RFTN1: variants seen among roughly 807,000 people sequenced by gnomAD.
RFTN1 encodes raftlin.
A neutral mutation model predicts 46.5 loss-of-function variants in RFTN1; 26 were observed. The ratio of observed to expected loss-of-function variants is 0.56; its 90% CI spans 0.41 to 0.78. The LOEUF (loss-of-function observed/expected upper bound fraction) is 0.78. RFTN1 is among the 30% of genes least tolerant of loss of function. The pLI, the probability that RFTN1 is intolerant of heterozygous loss-of-function variation, is 0.00. For missense variants in RFTN1, 693 were observed against 718.7 expected, an observed-to-expected ratio of 0.96 and a Z score of 0.41; for synonymous variants, 261 against 284.2, an observed-to-expected ratio of 0.92 and a Z score of 0.82.
chr3:16,436,348 GAA>G (rs34339739), intron 2 of RFTN1, among the ~76,000 whole-genome samples: 1 of 134,166 alleles, frequency 7.5e-6, no homozygotes, highest in Non-Finnish European at 1.6e-5. Context: ...GTTTTGCCAT[GAA>G]AAAAAAAATT....
rs1288106555 is a variant in RFTN1 at position 16,470,323 on chromosome 3, C to T, written c.145+23402G>A. ...GCACTGGAGAGGAAGCCAAGGCAGG[C>T]AGATACTGGAGGGCATCAACACTTG... On this transcript the variant is annotated intron_variant, in intron 2 of 9. Transcript: ENST00000334133. 5.3e-5 allele frequency among the ~76,000 whole-genome samples: 8 copies of T among 152,284 alleles called. No individual in the cohort carries two copies. In the East Asian group the frequency reaches 1.3e-3, roughly 26 times the overall value.
rs1237388145 is a variant in RFTN1 at position 16,382,979 on chromosome 3, A to G, written c.442-4877T>C. On this transcript the variant is annotated intron_variant, in intron 4 of 9. Coordinates refer to ENST00000334133, the MANE Select transcript of RFTN1 (RefSeq NM_015150.2). This position sits in a 1 kb window ranked among gnomAD's most constrained non-coding sequence, Gnocchi z 4.7. ...ACGCATGCCCACAACATCTCTAACA[A>G]CAGCGATTACAGGAAACAGCAACTA... Among the ~76,000 whole-genome samples, 1 of 152,146 alleles carries G rather than the reference A, an allele frequency of 6.6e-6. No homozygotes were observed.
Position 16,316,779 on chromosome 3 carries a change from T to G in RFTN1, c.*49A>C. 6.2e-7 allele frequency: 1 copy of G among 1,608,754 alleles called. No homozygotes were observed. Among genetic ancestry groups the G allele is most frequent in the Non-Finnish European group, 8.5e-7 (1 of 1,177,032 alleles). ...GCCCCCAAACCAGCTGTTGGTAAGATGCCTTGGGTTTGGCAACTCACCTAG... is the reference window on the plus strand; with the variant it reads ...GCCCCCAAACCAGCTGTTGGTAAGAGGCCTTGGGTTTGGCAACTCACCTAG... On this transcript the variant is annotated 3_prime_UTR_variant, in exon 10 of 10. Coordinates refer to ENST00000334133, the MANE Select transcript of RFTN1 (RefSeq NM_015150.2). This position sits in a 1 kb window ranked among gnomAD's most constrained non-coding sequence, Gnocchi z 4.5.
At chr3:16,431,643 C>T (rs924427586) in intron 3 of RFTN1, among the ~76,000 whole-genome samples, 2 of 152,182 alleles carry the variant, frequency 1.3e-5, no homozygotes, top group African/African-American at 4.8e-5. Flanking sequence ...AACACTAAGG[C>T]CACTCGGATA....
intron 1 of RFTN1, among the ~76,000 whole-genome samples, chr3:16,502,125 G>A (rs2076719878): frequency 6.6e-6 from 1 of 150,852 alleles, no homozygotes; most frequent in South Asian, 2.1e-4. Context: ...AGAACACTTT[G>A]GGAGGCCAAG....
chr3:16,476,910 C>T (rs185352018), intron 2 of RFTN1, among the ~76,000 whole-genome samples: 34 of 152,214 alleles, frequency 2.2e-4, no homozygotes, highest in African/African-American at 6.0e-4. Flanking sequence ...TTCTCTGTTC[C>T]GTACAATTAA....
At position 16,346,112 on chromosome 3, in the gene RFTN1, C is replaced by G. The variant is rs1189310842; in HGVS notation, c.1146+11820G>C. The G allele has an allele frequency of 6.6e-6, 1 of 152,128 alleles. No homozygotes were observed. Among genetic ancestry groups the G allele is most frequent in the Non-Finnish European group, 1.5e-5 (1 of 68,042 alleles). The allele number at this position is 152,128 out of a possible 1,614,324, so 9.4% of individuals were successfully genotyped here. A position where few individuals can be genotyped will look rare whatever the true frequency, so the allele number is the denominator to read the frequency against. On this transcript the variant is annotated intron_variant, in intron 7 of 9. Transcript: ENST00000334133. This position sits in a 1 kb window ranked among gnomAD's most constrained non-coding sequence, Gnocchi z 4.4. ...TCCTATGATTTAGGGTCTTCCAGCA[C>G]CCCTCAGGAAGCTTGACAATGAAGA...
intron 2 of RFTN1, among the ~76,000 whole-genome samples, chr3:16,435,917 A>T (rs993966708): frequency 3.4e-4 from 48 of 142,368 alleles, no homozygotes; most frequent in African/African-American, 1.2e-3. Flanking sequence ...CAGAGATGTA[A>T]ATATATATAT....
At chr3:16,323,307 G>A in intron 9 of RFTN1, 69 bp downstream of exon 9, 3 of 1,197,500 alleles carry the variant, frequency 2.5e-6, no homozygotes, top group South Asian at 1.3e-5. Flanking sequence ...CCCCTCAAAT[G>A]CTGCAGAAAA....
intron 7 of RFTN1, among the ~76,000 whole-genome samples, chr3:16,343,581 ACT>A (rs1363894299): frequency 6.6e-6 from 1 of 152,010 alleles, no homozygotes; most frequent in African/African-American, 2.4e-5. Context: ...GGAACCTAAG[ACT>A]CTAAGTCAGC....
At chr3:16,494,316 C>T (rs1208284743) in intron 1 of RFTN1, among the ~76,000 whole-genome samples, 1 of 152,124 alleles carries the variant, frequency 6.6e-6, no homozygotes, top group African/African-American at 2.4e-5. Flanking sequence ...CAGAATAAGT[C>T]GTTGTTACAG....
At chr3:16,510,244 G>A (rs192466077) in intron 1 of RFTN1, among the ~76,000 whole-genome samples, 75 of 152,318 alleles carry the variant, frequency 4.9e-4, no homozygotes, top group African/African-American at 1.8e-3. Flanking sequence ...GGCTGACCAA[G>A]CCGGTGAAAT....
At position 16,512,796 on chromosome 3, in the gene RFTN1, C is replaced by A. The variant is rs1357639527; in HGVS notation, c.-9+646G>T. On this transcript the variant is annotated intron_variant, in intron 1 of 9. Transcript: ENST00000334133. This position sits in a 1 kb window ranked among gnomAD's most constrained non-coding sequence, Gnocchi z 4.3. Reference sequence around the variant, plus strand: ...GAAAATCCCTTACAGAAGAGGAGATCCCCGTTTTCAGTGCTGGGGACTCTC... The same window carrying A: ...GAAAATCCCTTACAGAAGAGGAGATACCCGTTTTCAGTGCTGGGGACTCTC... 3 of 152,222 alleles carry A rather than the reference C, an allele frequency of 2.0e-5. No homozygotes were observed. Among genetic ancestry groups the A allele is most frequent in the African/African-American group, 7.2e-5 (3 of 41,434 alleles). 9.4% of individuals were successfully genotyped at this position (152,222 alleles called of 1,614,324 possible).
Position 16,382,536 on chromosome 3 carries a change from T to A in RFTN1, c.442-4434A>T, listed in dbSNP as rs978127806. On this transcript the variant is annotated intron_variant, in intron 4 of 9. Transcript: ENST00000334133. The surrounding 1 kb of genome is among the most constrained non-coding windows in gnomAD (Gnocchi z 4.7). ...CTCTACACTCCCCTTGGTGACTTCC[T>A]CTACTCACATGGGTTTAGCTACAAA... is the stretch of plus-strand genomic sequence containing the variant. 1.3e-5 allele frequency among the ~76,000 whole-genome samples: 2 copies of A among 152,186 alleles called. No homozygotes were observed. The highest frequency in any genetic ancestry group is 2.9e-5 in the Non-Finnish European group (2 of 68,038).
intron 3 of RFTN1, 62 bp from the exon 4 acceptor site, chr3:16,409,545 C>T (rs1396948450): frequency 6.7e-6 from 8 of 1,188,366 alleles, no homozygotes; most frequent in Non-Finnish European, 8.7e-6. Flanking sequence ...TGGAGACAGT[C>T]TCACTCTTGT....
In RFTN1 at chr3:16,400,016, C is replaced by T. The variant is rs140633320; in HGVS notation, c.441+9359G>A. On this transcript the variant is annotated intron_variant, in intron 4 of 9. Coordinates refer to ENST00000334133, the MANE Select transcript of RFTN1 (RefSeq NM_015150.2). This position sits in a 1 kb window ranked among gnomAD's most constrained non-coding sequence, Gnocchi z 4.5. Reference sequence around the variant, plus strand: ...CCACACCCACTCTTGACCCAGAAGCCAGTCACTAACCTGCAGCCATTCTGA... The same window carrying T: ...CCACACCCACTCTTGACCCAGAAGCTAGTCACTAACCTGCAGCCATTCTGA... 6.0e-4 allele frequency among the ~76,000 whole-genome samples: 91 copies of T among 152,334 alleles called. No individual in the cohort carries two copies. The highest frequency in any genetic ancestry group is 1.0e-3 in the Non-Finnish European group (71 of 68,032).
At chr3:16,363,823 G>A (rs950056598) in intron 6 of RFTN1, among the ~76,000 whole-genome samples, 2 of 151,028 alleles carry the variant, frequency 1.3e-5, no homozygotes, top group Non-Finnish European at 2.9e-5. Context: ...ATCAGAGGTC[G>A]CACAGCACCA....
intron 2 of RFTN1, chr3:16,482,881 G>T: frequency 6.6e-7 from 1 of 1,511,420 alleles, no homozygotes; most frequent in South Asian, 1.2e-5. Flanking sequence ...GCCTCCCACC[G>T]GGGTGAGCTT....
rs1472986742 is a variant in RFTN1 at position 16,335,235 on chromosome 3, A to G, written c.1147-8359T>C. 6.6e-6 allele frequency among the ~76,000 whole-genome samples: 1 copy of G among 152,220 alleles called. No individual in the cohort carries two copies. The highest frequency in any genetic ancestry group is 6.5e-5 in the Admixed American group (1 of 15,282). ...GATAAACACTTGGAGGTGCTGACAG[A>G]TGCAGGGTAGGTGAAAACTCCTGGA... On this transcript the variant is annotated intron_variant, in intron 7 of 9. Coordinates refer to ENST00000334133, the MANE Select transcript of RFTN1 (RefSeq NM_015150.2). This position sits in a 1 kb window ranked among gnomAD's most constrained non-coding sequence, Gnocchi z 4.7.
Sources: allele counts gnomAD v4.1 joint callset (sites outside exome capture counted in the v4.1 genomes callset), GRCh38; gene constraint gnomAD v4.1.1; non-coding constraint Gnocchi (gnomAD v3.1); transcripts MANE v1.5; gene names NCBI Gene and HGNC (gene_info 2026-07-23, HGNC 2026-07-21).